Variants in PEX5 observed in about 807,000 individuals in gnomAD.
PEX5 encodes peroxisomal biogenesis factor 5.
PEX5 carries 52 observed loss-of-function variants against 82.9 expected under a neutral mutation model. That is an observed-to-expected ratio of 0.63 (90% CI 0.50 to 0.79). The LOEUF is 0.79. Among genes scored for constraint, PEX5 ranks in the 30% least tolerant of loss-of-function variants. The pLI, the probability that PEX5 is intolerant of heterozygous loss-of-function variation, is 0.00. For missense variants in PEX5, 719 were observed against 815.2 expected, an observed-to-expected ratio of 0.88 and a Z score of 1.44; for synonymous variants, 300 against 318.8, an observed-to-expected ratio of 0.94 and a Z score of 0.63.
At chr12:7,212,485 A>AC (rs1945644889), downstream of PEX5, among the ~76,000 whole-genome samples, 1 of 60,654 alleles carries the variant, frequency 1.6e-5, no homozygotes, top group Non-Finnish European at 3.9e-5. Context: ...AAAAAAAAAA[A>AC]AAACCCAAAA....
intron 17 of PEX5, among the ~76,000 whole-genome samples, chr12:7,217,134 G>A (rs1165976099): frequency 2.6e-5 from 4 of 152,180 alleles, no homozygotes; most frequent in Non-Finnish European, 5.9e-5. Flanking sequence ...AACATATTTA[G>A]TAGATTTGGG....
chr12:7,190,002 A>G (rs1262045581), intron 1 of PEX5: 1 of 1,504,328 alleles, frequency 6.6e-7, no homozygotes, highest in Non-Finnish European at 8.8e-7. Flanking sequence ...CTGTTTTCCC[A>G]CTGTCCCTTC....
At position 7,210,524 on chromosome 12, in the gene PEX5, T is replaced by G; in HGVS notation, c.*301T>G. ...GCTTTTTGGGTAGGACCCCACGATT[T>G]AGGGTAACTGTTATCATCAGCTGCC... On this transcript the variant is annotated 3_prime_UTR_variant, in exon 16 of 16. Coordinates refer to ENST00000675855, the MANE Select transcript of PEX5 (RefSeq NM_001351132.2). The G allele has an allele frequency of 2.0e-6, 1 of 497,504 alleles. No individual in the cohort carries two copies. The highest frequency in any genetic ancestry group is 3.7e-6 in the Non-Finnish European group (1 of 271,046). The allele number at this position is 497,504 out of a possible 1,614,324, so 30.8% of individuals were successfully genotyped here.
At chr12:7,208,772 C>A in intron 13 of PEX5, 103 bp downstream of exon 13, 2 of 1,039,406 alleles carry the variant, frequency 1.9e-6, no homozygotes, top group Non-Finnish European at 3.0e-6. Flanking sequence ...ACTGAAGGGT[C>A]CTGAGAATGG....
At chr12:7,214,434 T>C (rs1471376129), downstream of PEX5, among the ~76,000 whole-genome samples, 3 of 151,252 alleles carry the variant, frequency 2.0e-5, no homozygotes, top group Non-Finnish European at 2.9e-5. Context: ...ATGGATGAAA[T>C]TGGAAATCAT....
At chr12:7,201,421 T>A (rs1944018618) in intron 6 of PEX5, among the ~76,000 whole-genome samples, 2 of 152,274 alleles carry the variant, frequency 1.3e-5, no homozygotes, top group South Asian at 4.1e-4. Flanking sequence ...ATATATATAT[T>A]TTTCAAGAAT....
intron 17 of PEX5, among the ~76,000 whole-genome samples, chr12:7,218,135 G>A (rs1945831980): frequency 6.6e-6 from 1 of 152,192 alleles, no homozygotes; most frequent in Non-Finnish European, 1.5e-5. Context: ...GCAAAGAGAT[G>A]TGGATACAGG....
At chr12:7,204,431 G>A (rs1437892023) in intron 10 of PEX5, among the ~76,000 whole-genome samples, 1 of 152,210 alleles carries the variant, frequency 6.6e-6, no homozygotes, top group Non-Finnish European at 1.5e-5. Flanking sequence ...TCAGAAAAAG[G>A]CTAGAGTTTG....
downstream of PEX5, among the ~76,000 whole-genome samples, chr12:7,214,702 AACTT>A (rs1407745153): frequency 6.8e-6 from 1 of 146,140 alleles, no homozygotes; most frequent in African/African-American, 2.5e-5. Flanking sequence ...TGTACCCTAA[AACTT>A]AAAGTATAAT....
chr12:7,201,217 GTA>G (rs1361220748), intron 6 of PEX5, among the ~76,000 whole-genome samples: 1 of 149,872 alleles, frequency 6.7e-6, no homozygotes, highest in African/African-American at 2.4e-5. Context: ...GCACATACAT[GTA>G]TATACACACG....
At chr12:7,214,019 TGA>T (rs577746973), downstream of PEX5, among the ~76,000 whole-genome samples, 16,230 of 152,118 alleles carry the variant, frequency 0.11, 1,205 homozygotes, top group Non-Finnish European at 0.16. Context: ...AAAACCACAA[TGA>T]GATACCATCT....
chr12:7,211,657 A>C (rs1387172526), downstream of PEX5, among the ~76,000 whole-genome samples: 1 of 152,200 alleles, frequency 6.6e-6, no homozygotes, highest in Non-Finnish European at 1.5e-5. Flanking sequence ...CTGGGCTAGC[A>C]GGAGAAAGAG....
chr12:7,205,233 G>T lies in PEX5; in HGVS notation c.966+1682G>T, dbSNP rs146488070. 1.1e-3 allele frequency among the ~76,000 whole-genome samples: 164 copies of T among 152,148 alleles called. 1 individual carries two copies. The highest frequency in any genetic ancestry group is 3.8e-3 in the African/African-American group (157 of 41,504). The stretch of plus-strand genomic sequence containing the variant: ...CCTACTTGATATCATTGATACTTTG[G>T]GATATTGCAAAATTAGGACTAGAAA... On this transcript the variant is annotated intron_variant, in intron 10 of 15. Coordinates refer to ENST00000675855, the MANE Select transcript of PEX5 (RefSeq NM_001351132.2).
rs1565687246 is a variant in PEX5, at chr12:7,197,235, G to GTAATTATATATGTCATATA, written c.449-1772_449-1771insTATATATGTCATATATAAT. ...TATAATGTAATTATATATGTCATAT[G>GTAATTATATATGTCATATA]TAATAATTATATGTCATATGTAATA... On this transcript the variant is annotated intron_variant, in intron 5 of 15. Transcript: ENST00000675855. 1.3e-3 allele frequency among the ~76,000 whole-genome samples: 15 copies of GTAATTATATATGTCATATA among 11,808 alleles called. 1 individual carries two copies. The highest frequency in any genetic ancestry group is 8.7e-3 in the East Asian group (5 of 574). 7.7% of individuals were successfully genotyped at this position (11,808 alleles called of 152,430 possible).
rs752120257 is a variant in PEX5, at chr12:7,200,625, C to T, written c.552-1126C>T. Among the ~76,000 whole-genome samples the T allele has an allele frequency of 1.4e-3, 209 of 151,128 alleles. No homozygotes were observed. In the East Asian group the frequency reaches 0.02, roughly 15 times the overall value. On this transcript the variant is annotated intron_variant, in intron 6 of 15. Coordinates refer to ENST00000675855, the MANE Select transcript of PEX5 (RefSeq NM_001351132.2). ...ATTGAGCACTGAGTGAACGAGACTC[C>T]GTCTGCAATCCCGGCACCTCGGGAG...
chr12:7,210,100 G>T lies in PEX5; in HGVS notation c.1797G>T (p.Met599Ile), dbSNP rs1243011474. 2 of 1,614,242 alleles carry T rather than the reference G, an allele frequency of 1.2e-6. No individual in the cohort carries two copies. Among genetic ancestry groups the T allele is most frequent in the Non-Finnish European group, 1.7e-6 (2 of 1,180,046 alleles). The change falls in exon 16 of 16, where the codon ATG becomes ATT. Residue 599 changes from methionine to isoleucine, a missense_variant. Transcript: ENST00000675855. ...GCCCCCGGGGTGAAGGAGGTGCCAT[G>T]TCGGAGAACATCTGGAGCACCCTGC... ...SRGPRGEGGA[M>I]SENIWSTLRL...
downstream of PEX5, chr12:7,212,814 T>C (rs1206816353): frequency 6.6e-6 from 1 of 152,198 alleles, no homozygotes; most frequent in African/African-American, 2.4e-5. Flanking sequence ...AGGAAGCTGT[T>C]GTGGCACCTG....
chr12:7,207,976 T>C, intron 11 of PEX5, 34 bp from the exon 12 acceptor site: 2 of 1,580,586 alleles, frequency 1.3e-6, no homozygotes, highest in Non-Finnish European at 1.7e-6. Context: ...GAGAGGTGAA[T>C]ATGGGGTGAT....
intron 6 of PEX5, among the ~76,000 whole-genome samples, chr12:7,200,080 C>T (rs1194462717): frequency 2.4e-5 from 3 of 127,226 alleles, no homozygotes; most frequent in African/African-American, 7.9e-5. Context: ...CTGACCCCCA[C>T]CTCCCTCCCG....
Sources: gnomAD v4.1 joint callset for allele counts (sites outside exome capture counted in the v4.1 genomes callset) on GRCh38, gnomAD v4.1.1 for gene constraint, MANE v1.5 for transcripts, NCBI Gene and HGNC (gene_info 2026-07-23, HGNC 2026-07-21) for gene names.